ADAMTS9: variants seen among roughly 807,000 people sequenced by gnomAD.
The protein encoded by ADAMTS9 is ADAM metallopeptidase with thrombospondin type 1 motif 9, also known as A disintegrin and metalloproteinase with thrombospondin motifs 9.
In ADAMTS9, 107 loss-of-function variants were observed where a neutral mutation model predicts 257.1. That is an observed-to-expected ratio of 0.42 (90% CI 0.36 to 0.49). The LOEUF (loss-of-function observed/expected upper bound fraction) is 0.49, where lower values mean the gene tolerates loss of function less well. Among genes scored for constraint, ADAMTS9 ranks in the 20% least tolerant of loss-of-function variants. ADAMTS9 has a pLI of 0.03. For synonymous variants in ADAMTS9, 982 were observed against 880.9 expected, an observed-to-expected ratio of 1.11 and a Z score of -2.03; for missense variants, 2,353 against 2,469.1, an observed-to-expected ratio of 0.95 and a Z score of 1.00.
chr3:64,673,703 C>T (rs1559822506), intron 3 of ADAMTS9, among the ~76,000 whole-genome samples: 1 of 151,884 alleles, frequency 6.6e-6, no homozygotes, highest in Non-Finnish European at 1.5e-5. Flanking sequence ...TATAATATTA[C>T]TTAATATTAC....
At chr3:64,635,490 C>A (rs372328797) in intron 12 of ADAMTS9, among the ~76,000 whole-genome samples, 8 of 152,298 alleles carry the variant, frequency 5.3e-5, no homozygotes, top group African/African-American at 1.9e-4. Context: ...GTCGTGTCTA[C>A]GTCTGTCTGT....
chr3:64,609,179 A>G (rs1050889806), intron 22 of ADAMTS9, among the ~76,000 whole-genome samples: 1 of 152,164 alleles, frequency 6.6e-6, no homozygotes, highest in African/African-American at 2.4e-5. Context: ...TCAATAGTAG[A>G]AGAGTAAAAA....
At chr3:64,643,878 C>T (rs531069468) in intron 11 of ADAMTS9, among the ~76,000 whole-genome samples, 2 of 152,060 alleles carry the variant, frequency 1.3e-5, no homozygotes, top group South Asian at 2.1e-4. Context: ...CATAGCCACA[C>T]GTGGCTGGTG....
At chr3:64,597,932 G>A (rs1038055878) in intron 26 of ADAMTS9, among the ~76,000 whole-genome samples, 2 of 152,204 alleles carry the variant, frequency 1.3e-5, no homozygotes, top group African/African-American at 4.8e-5. Flanking sequence ...GCATTTGCAA[G>A]TATGTTGTTA....
At position 64,541,507 on chromosome 3, in the gene ADAMTS9, A is replaced by G. The variant is rs2083121645; in HGVS notation, c.5292+19T>C. On this transcript the variant is annotated intron_variant, in intron 34 of 39. Coordinates refer to ENST00000498707, the MANE Select transcript of ADAMTS9 (RefSeq NM_182920.2). ...CTCTAAAAACATTCTTGAAATAATGACTGGTGTCTGACATTCACCTTCAGA... is the reference window on the plus strand; with the variant it reads ...CTCTAAAAACATTCTTGAAATAATGGCTGGTGTCTGACATTCACCTTCAGA... 1 of 1,609,272 alleles carries G rather than the reference A, an allele frequency of 6.2e-7. No individual in the cohort carries two copies. The highest frequency in any genetic ancestry group is 8.5e-7 in the Non-Finnish European group (1 of 1,175,526).
intron 3 of ADAMTS9, among the ~76,000 whole-genome samples, chr3:64,675,342 A>G (rs1293829243): frequency 6.6e-6 from 1 of 152,182 alleles, no homozygotes; most frequent in African/African-American, 2.4e-5. Context: ...CATCTAGGGA[A>G]TGGAAATTAG....
At chr3:64,682,041 G>C (rs1035449580) in intron 2 of ADAMTS9, among the ~76,000 whole-genome samples, 2 of 152,080 alleles carry the variant, frequency 1.3e-5, no homozygotes, top group Non-Finnish European at 2.9e-5. Context: ...ATTCAAGGTG[G>C]TACCACCTGT....
rs1475479140 is a variant in ADAMTS9, at chr3:64,615,347, G to A, written c.3163C>T (p.Gln1055Ter). 6.2e-7 allele frequency: 1 copy of A among 1,613,816 alleles called. No individual in the cohort carries two copies. Among genetic ancestry groups the A allele is most frequent in the Non-Finnish European group, 8.5e-7 (1 of 1,179,904 alleles). The change falls in exon 21 of 40, where the codon CAG (glutamine) becomes TAG (stop). Residue 1055 changes from glutamine (Q) to a stop codon, truncating the protein, a stop_gained. Transcript: ENST00000498707. LOFTEE classifies it high-confidence loss of function. ...TCTGACCAGTCTCCAGATTTCCACTGTGGACAAGGGAACTCACTGCACCTC... is the reference window on the plus strand; with the variant it reads ...TCTGACCAGTCTCCAGATTTCCACTATGGACAAGGGAACTCACTGCACCTC... ...IQRCSEFPCP[Q>*]WKSGDWSECL...
At chr3:64,668,549 T>C (rs1701404727) in intron 3 of ADAMTS9, among the ~76,000 whole-genome samples, 1 of 152,160 alleles carries the variant, frequency 6.6e-6, no homozygotes, top group Non-Finnish European at 1.5e-5. Context: ...AGTTTCCTCA[T>C]CTGTGAAAAG....
rs1024997127 is a variant in ADAMTS9 at position 64,687,854 on chromosome 3, G to C, written c.-197C>G. 1 of 455,392 alleles carries C rather than the reference G, an allele frequency of 2.2e-6. No individual in the cohort carries two copies. The highest frequency in any genetic ancestry group is 3.9e-5 in the South Asian group (1 of 25,724). 28.2% of individuals were successfully genotyped at this position (455,392 alleles called of 1,614,324 possible). On this transcript the variant is annotated 5_prime_UTR_variant, in exon 1 of 40. Transcript: ENST00000498707. The surrounding 1 kb of genome is among the most constrained non-coding windows in gnomAD (Gnocchi z 4.4). Reference sequence around the variant, plus strand: ...CGGCTGAGCAACGCCGCCGCCTGCCGAGAGCTGAGCCGCTCGGGCCGCAGG... The same window carrying C: ...CGGCTGAGCAACGCCGCCGCCTGCCCAGAGCTGAGCCGCTCGGGCCGCAGG...
At chr3:64,655,716 T>C (rs1181762514) in intron 5 of ADAMTS9, 25 bp from the exon 6 acceptor site, 1 of 1,602,908 alleles carries the variant, frequency 6.2e-7, no homozygotes, top group African/African-American at 1.3e-5. Flanking sequence ...GAATTATGGT[T>C]AATCTGTTGT....
rs142022521 is a variant in ADAMTS9, at chr3:64,656,756, G to T, written c.970-881C>A. On this transcript the variant is annotated intron_variant, in intron 4 of 39. Coordinates refer to ENST00000498707, the MANE Select transcript of ADAMTS9 (RefSeq NM_182920.2). ...ATCTGGGACTGAGCGGCATGTGGGG[G>T]TGAGAGGGGCACGGAGGCCAGGCAG... Among the ~76,000 whole-genome samples, 471 of 152,226 alleles carry T rather than the reference G, an allele frequency of 3.1e-3. 1 individual carries two copies. Among genetic ancestry groups the T allele is most frequent in the Middle Eastern group, 0.017 (5 of 294 alleles).
rs966405746 is a variant in ADAMTS9, at chr3:64,516,792, G to A, written c.*335C>T. On this transcript the variant is annotated 3_prime_UTR_variant, in exon 40 of 40. Transcript: ENST00000498707. ...TGAAAAGTAAACAATAGTGTACCGTGATAATGAAGGATCACTTTGTCATAT... is the reference window on the plus strand; with the variant it reads ...TGAAAAGTAAACAATAGTGTACCGTAATAATGAAGGATCACTTTGTCATAT... 7.2e-5 allele frequency: 11 copies of A among 152,612 alleles called. No homozygotes were observed. Among genetic ancestry groups the A allele is most frequent in the African/African-American group, 2.4e-4 (10 of 41,448 alleles). The allele number at this position is 152,612 out of a possible 1,614,324, so 9.5% of individuals were successfully genotyped here. A position where few individuals can be genotyped will look rare whatever the true frequency, so the allele number is the denominator to read the frequency against.
intron 27 of ADAMTS9, among the ~76,000 whole-genome samples, chr3:64,595,517 T>C (rs1335815128): frequency 6.6e-6 from 1 of 152,186 alleles, no homozygotes; most frequent in African/African-American, 2.4e-5. Context: ...TCTCCTGGCT[T>C]GAATCCAATT....
At chr3:64,577,685 G>A (rs1175890065) in intron 28 of ADAMTS9, among the ~76,000 whole-genome samples, 1 of 151,710 alleles carries the variant, frequency 6.6e-6, no homozygotes, top group African/African-American at 2.4e-5. Context: ...AGATGACAGT[G>A]CTGGGGCAGA....
Position 64,574,935 on chromosome 3 carries a change from A to G in ADAMTS9, c.4357-6400T>C, listed in dbSNP as rs1164025739. On this transcript the variant is annotated intron_variant, in intron 28 of 39. Transcript: ENST00000498707. ...CGAAGAGAGTAGCTACGCAATGTTA[A>G]TAGCTCTGACTTTAATGCCTTTTCT... Among the ~76,000 whole-genome samples the G allele has an allele frequency of 5.3e-5, 8 of 152,324 alleles. No individual in the cohort carries two copies. The East Asian group carries it at 1.2e-3, about 22-fold the overall frequency.
intron 19 of ADAMTS9, among the ~76,000 whole-genome samples, chr3:64,616,678 G>T (rs1174868244): frequency 2.0e-5 from 3 of 152,050 alleles, no homozygotes; most frequent in Admixed American, 6.6e-5. Flanking sequence ...CAATCGTCTG[G>T]TTCTTTTAAT....
intron 26 of ADAMTS9, among the ~76,000 whole-genome samples, chr3:64,599,928 C>T (rs1295591139): frequency 6.6e-6 from 1 of 152,114 alleles, no homozygotes; most frequent in Non-Finnish European, 1.5e-5. Flanking sequence ...TATTATCTGG[C>T]CCTCTGCAGA....
At chr3:64,654,727 A>G (rs1654323204) in intron 6 of ADAMTS9, 115 bp from the exon 7 acceptor site, 1 of 1,121,584 alleles carries the variant, frequency 8.9e-7, no homozygotes, top group Non-Finnish European at 1.3e-6. Context: ...GGTGGGGGTT[A>G]AAAAAAGCAA....
Sources: allele counts gnomAD v4.1 joint callset (sites outside exome capture counted in the v4.1 genomes callset), GRCh38; gene constraint gnomAD v4.1.1; non-coding constraint Gnocchi (gnomAD v3.1); transcripts MANE v1.5; gene names NCBI Gene and HGNC (gene_info 2026-07-23, HGNC 2026-07-21).